Variants in PDE1C observed in about 807,000 individuals in gnomAD.
PDE1C encodes the protein dual specificity calcium/calmodulin-dependent 3',5'-cyclic nucleotide phosphodiesterase 1C.
In PDE1C, 62 loss-of-function variants were observed where a neutral mutation model predicts 93.1. That is an observed-to-expected ratio of 0.67 (90% CI 0.54 to 0.82). PDE1C has a LOEUF of 0.82. Ranked by LOEUF, PDE1C falls within the 40% of genes least tolerant of loss-of-function variation. The pLI, the probability that PDE1C is intolerant of heterozygous loss-of-function variation, is 0.00. For synonymous variants in PDE1C, 325 were observed against 310.1 expected (o/e 1.05, Z -0.50); for missense variants, 742 against 884.6 (o/e 0.84, Z 2.04).
At chr7:32,266,314 T>C (rs556058831) in intron 1 of PDE1C, among the ~76,000 whole-genome samples, 13 of 148,100 alleles carry the variant, frequency 8.8e-5, no homozygotes, top group Non-Finnish European at 1.8e-4. Context: ...AGAAATCGCC[T>C]TTTGAGAGCC....
the PDE1C span, among the ~76,000 whole-genome samples, chr7:31,709,873 A>C: frequency 6.6e-6 from 1 of 152,218 alleles, no homozygotes; most frequent in Non-Finnish European, 1.5e-5. Context: ...TAAGGGACCC[A>C]GGTGCAGTGG....
intron 1 of PDE1C, among the ~76,000 whole-genome samples, chr7:32,249,200 A>G (rs1809181084): frequency 6.6e-6 from 1 of 152,068 alleles, no homozygotes; most frequent in African/African-American, 2.4e-5. Flanking sequence ...GGGCATAAAA[A>G]TTCCTTTCCA....
chr7:32,248,128 A>G (rs887038274), intron 1 of PDE1C, among the ~76,000 whole-genome samples: 1 of 152,308 alleles, frequency 6.6e-6, no homozygotes, highest in Admixed American at 6.5e-5. Flanking sequence ...GGGTGTAAAG[A>G]TAATTATTTA....
At chr7:31,832,721 G>A (rs1006043846) in intron 11 of PDE1C, among the ~76,000 whole-genome samples, 1 of 152,134 alleles carries the variant, frequency 6.6e-6, no homozygotes, top group Non-Finnish European at 1.5e-5. Flanking sequence ...TGAGTTAACA[G>A]TCCCTTCCCA....
Position 31,757,847 on chromosome 7 carries a change from C to T in PDE1C, c.1961-4294G>A, listed in dbSNP as rs1022203912. Reference sequence around the variant, plus strand: ...ATGCTGCTATAAAGACACATGCACACGTATGTTTATTGCAGCACTATTCAC... The same window carrying T: ...ATGCTGCTATAAAGACACATGCACATGTATGTTTATTGCAGCACTATTCAC... On this transcript the variant is annotated intron_variant, in intron 17 of 17. Coordinates refer to ENST00000396191, the MANE Select transcript of PDE1C (RefSeq NM_001191057.4). Among the ~76,000 whole-genome samples the T allele has an allele frequency of 7.2e-5, 11 of 152,250 alleles. No homozygotes were observed. In the East Asian group the frequency reaches 1.4e-3, roughly 19 times the overall value.
At chr7:31,963,230 C>T (rs938583525) in intron 2 of PDE1C, among the ~76,000 whole-genome samples, 3 of 152,106 alleles carry the variant, frequency 2.0e-5, no homozygotes, top group African/African-American at 4.8e-5. Flanking sequence ...ATTCAATCCT[C>T]ACAGTAAGTC....
intron 1 of PDE1C, among the ~76,000 whole-genome samples, chr7:32,052,520 T>G (rs2128690318): frequency 6.6e-6 from 1 of 152,280 alleles, no homozygotes. Context: ...AGAGGAAGTG[T>G]TAAGGAAAGA....
chr7:31,622,804 T>A, the PDE1C span, among the ~76,000 whole-genome samples: 12 of 152,000 alleles, frequency 7.9e-5, no homozygotes, highest in African/African-American at 2.9e-4. Context: ...CTTCAAAAAA[T>A]TAATGAATCC....
chr7:32,323,251 G>A (rs1783334114), intron 1 of PDE1C, among the ~76,000 whole-genome samples: 1 of 152,176 alleles, frequency 6.6e-6, no homozygotes, highest in South Asian at 2.1e-4. Context: ...AGCACCCCAA[G>A]TATTTGCAGA....
chr7:31,725,201 C>T, the PDE1C span, among the ~76,000 whole-genome samples: 1 of 152,128 alleles, frequency 6.6e-6, no homozygotes, highest in Non-Finnish European at 1.5e-5. Flanking sequence ...CCACAGGGGT[C>T]TCTGTGGCCT....
chr7:32,343,725 T>A (rs939761023), intron 1 of PDE1C, among the ~76,000 whole-genome samples: 21 of 152,212 alleles, frequency 1.4e-4, no homozygotes, highest in Non-Finnish European at 2.6e-4. Context: ...TCCTTTGTAA[T>A]TTCCCAATCT....
chr7:32,400,382 C>T (rs900021092), intron 1 of PDE1C, among the ~76,000 whole-genome samples: 26 of 152,082 alleles, frequency 1.7e-4, no homozygotes, highest in Non-Finnish European at 2.8e-4. Context: ...CATCCATTTT[C>T]CCCCAACTGT....
chr7:32,063,121 C>T (rs1795003606), intron 1 of PDE1C, among the ~76,000 whole-genome samples: 1 of 152,126 alleles, frequency 6.6e-6, no homozygotes, highest in Non-Finnish European at 1.5e-5. Context: ...TAGAGTGTTG[C>T]ATTTGTTGTA....
At chr7:31,632,319 G>C in the PDE1C span, among the ~76,000 whole-genome samples, 1 of 152,014 alleles carries the variant, frequency 6.6e-6, no homozygotes, top group East Asian at 1.9e-4. Flanking sequence ...GTGGTGGCAC[G>C]TGCCTGTAGT....
At chr7:32,350,432 T>A in intron 1 of PDE1C, among the ~76,000 whole-genome samples, 1 of 152,106 alleles carries the variant, frequency 6.6e-6, no homozygotes. Flanking sequence ...CTTAATATCA[T>A]CAAATATTGT....
intron 2 of PDE1C, among the ~76,000 whole-genome samples, chr7:32,199,494 T>C (rs1411500452): frequency 6.6e-6 from 1 of 152,212 alleles, no homozygotes; most frequent in African/African-American, 2.4e-5. Flanking sequence ...TATGCTACAT[T>C]TTGGATAGTC....
intron 1 of PDE1C, among the ~76,000 whole-genome samples, chr7:32,290,077 G>A (rs1422074928): frequency 1.3e-5 from 2 of 152,108 alleles, no homozygotes; most frequent in Non-Finnish European, 2.9e-5. Context: ...GGTCCCCTGG[G>A]GAAGGCCTGG....
At chr7:31,702,376 G>A in the PDE1C span, among the ~76,000 whole-genome samples, 1 of 152,048 alleles carries the variant, frequency 6.6e-6, no homozygotes, top group Non-Finnish European at 1.5e-5. Flanking sequence ...ACCGGGGGAG[G>A]CTCTGAACTT....
At chr7:31,771,105 C>T (rs1242645098) in intron 17 of PDE1C, among the ~76,000 whole-genome samples, 1 of 152,094 alleles carries the variant, frequency 6.6e-6, no homozygotes, top group Non-Finnish European at 1.5e-5. Context: ...ATTTGGCTGT[C>T]TGAGTATCCT....
Sources: gnomAD v4.1 joint callset for allele counts (sites outside exome capture counted in the v4.1 genomes callset) on GRCh38, gnomAD v4.1.1 for gene constraint, MANE v1.5 for transcripts, NCBI Gene and HGNC (gene_info 2026-07-23, HGNC 2026-07-21) for gene names.